The following GAREM1 variants were observed in gnomAD, a reference collection of about 807,000 sequenced individuals.
GAREM1 encodes GRB2 associated regulator of MAPK1 subtype 1.
Under a neutral mutation model 71.3 loss-of-function variants are expected in GAREM1, and 26 were observed. That is an observed-to-expected ratio of 0.36 (90% CI 0.27 to 0.51). The LOEUF is 0.51. GAREM1 is among the 20% of genes least tolerant of loss of function. GAREM1 has a pLI of 0.95. For synonymous variants in GAREM1, 440 were observed against 433.2 expected (o/e 1.02, Z -0.20); for missense variants, 1,026 against 1,103.1 (o/e 0.93, Z 0.99).
chr18:32,412,460 G>A (rs1210664615), intron 1 of GAREM1: 6 of 1,590,096 alleles, frequency 3.8e-6, no homozygotes, highest in Non-Finnish European at 5.1e-6. Context: ...CATCCCCACT[G>A]CCACCATATC....
chr18:32,414,320 G>A (rs1216237087), intron 1 of GAREM1, among the ~76,000 whole-genome samples: 1 of 152,034 alleles, frequency 6.6e-6, no homozygotes, highest in Non-Finnish European at 1.5e-5. Context: ...CAGACAGACA[G>A]ATAGATGAGT....
rs983213111 is a variant in GAREM1, at chr18:32,267,068, G to A, written c.*803C>T. 4.6e-5 allele frequency: 7 copies of A among 152,202 alleles called. No homozygotes were observed. The highest frequency in any genetic ancestry group is 1.7e-4 in the African/African-American group (7 of 41,436). 9.4% of individuals were successfully genotyped at this position (152,202 alleles called of 1,614,324 possible). A position where few individuals can be genotyped will look rare whatever the true frequency, so the allele number is the denominator to read the frequency against. ...GTCCACTATTCCTAAGAGAATCAAT[G>A]TAGATAACAGTCCCAAAACCTCAAC... On this transcript the variant is annotated 3_prime_UTR_variant, in exon 6 of 6. Transcript: ENST00000269209.
intron 2 of GAREM1, among the ~76,000 whole-genome samples, chr18:32,349,526 G>A (rs148093749): frequency 4.7e-4 from 72 of 152,134 alleles, no homozygotes; most frequent in African/African-American, 1.6e-3. Flanking sequence ...CCTACACAGA[G>A]GTATTACTTC....
chr18:32,457,515 A>G (rs1366303507), intron 1 of GAREM1, among the ~76,000 whole-genome samples: 1 of 151,928 alleles, frequency 6.6e-6, no homozygotes, highest in African/African-American at 2.4e-5. Flanking sequence ...TCAGGTAAGT[A>G]TCTTCCCAAT....
At chr18:32,391,934 A>C (rs182667068) in intron 2 of GAREM1, among the ~76,000 whole-genome samples, 2 of 152,290 alleles carry the variant, frequency 1.3e-5, no homozygotes, top group Non-Finnish European at 2.9e-5. Context: ...CAAACTATTC[A>C]TTCATTCATT....
intron 2 of GAREM1, among the ~76,000 whole-genome samples, chr18:32,365,924 G>A (rs775982483): frequency 5.5e-4 from 84 of 152,274 alleles, no homozygotes; most frequent in Admixed American, 1.1e-3. Context: ...AGAAGTGCAG[G>A]TGCATTTCCA....
intron 1 of GAREM1, among the ~76,000 whole-genome samples, chr18:32,448,893 T>C (rs758167656): frequency 7.9e-5 from 12 of 152,146 alleles, no homozygotes; most frequent in Non-Finnish European, 1.8e-4. Flanking sequence ...AGGGCCCTCA[T>C]GGTTCTTTTT....
intron 2 of GAREM1, among the ~76,000 whole-genome samples, chr18:32,349,637 T>C (rs1430128973): frequency 1.3e-5 from 2 of 152,246 alleles, no homozygotes; most frequent in African/African-American, 4.8e-5. Flanking sequence ...AAATACTTGC[T>C]AAATGAGAGA....
At chr18:32,377,836 T>C (rs1357908167) in intron 2 of GAREM1, among the ~76,000 whole-genome samples, 1 of 152,206 alleles carries the variant, frequency 6.6e-6, no homozygotes, top group African/African-American at 2.4e-5. Context: ...ATGCTGGGAT[T>C]ACAGGCGTGA....
At chr18:32,426,992 G>A (rs976407564) in intron 1 of GAREM1, among the ~76,000 whole-genome samples, 3 of 152,044 alleles carry the variant, frequency 2.0e-5, no homozygotes, top group Non-Finnish European at 4.4e-5. Context: ...AAATTGCATA[G>A]GAGCCCTTTC....
intron 1 of GAREM1, among the ~76,000 whole-genome samples, chr18:32,449,829 C>T (rs2048818027): frequency 6.6e-6 from 1 of 152,072 alleles, no homozygotes; most frequent in Admixed American, 6.5e-5. Flanking sequence ...TTTGTTTTTT[C>T]ATTTTCCTGT....
chr18:32,332,543 G>GT (rs2047548140), intron 2 of GAREM1, among the ~76,000 whole-genome samples: 1 of 152,144 alleles, frequency 6.6e-6, no homozygotes, highest in Non-Finnish European at 1.5e-5. Context: ...CTGAGGAACT[G>GT]TAAGTGCAGC....
intron 1 of GAREM1, among the ~76,000 whole-genome samples, chr18:32,428,236 T>C (rs182967320): frequency 3.3e-5 from 5 of 152,226 alleles, no homozygotes; most frequent in African/African-American, 1.2e-4. Context: ...TTAATTCTTA[T>C]AAGCTAGAAA....
chr18:32,413,732 ACAGCTAT>A (rs1313928541), intron 1 of GAREM1, among the ~76,000 whole-genome samples: 4 of 152,138 alleles, frequency 2.6e-5, no homozygotes, highest in Non-Finnish European at 5.9e-5. Context: ...GGAAAACAAA[ACAGCTAT>A]CATTTCTTTT....
intron 1 of GAREM1, among the ~76,000 whole-genome samples, chr18:32,408,395 G>A (rs1205728560): frequency 2.6e-5 from 4 of 152,146 alleles, no homozygotes; most frequent in Non-Finnish European, 4.4e-5. Context: ...ACTAAGTCAG[G>A]AGCATAAGTC....
chr18:32,407,203 A>G (rs2048373592), intron 1 of GAREM1, among the ~76,000 whole-genome samples: 1 of 152,218 alleles, frequency 6.6e-6, no homozygotes, highest in Non-Finnish European at 1.5e-5. Context: ...GGCTCTGGAA[A>G]AACAACCACA....
rs138848562 is a variant in GAREM1 at position 32,389,975 on chromosome 18, C to T, written c.262+2920G>A. 5.5e-3 allele frequency among the ~76,000 whole-genome samples: 836 copies of T among 152,162 alleles called. 5 individuals are homozygous for T. Among genetic ancestry groups the T allele is most frequent in the Non-Finnish European group, 8.0e-3 (544 of 67,988 alleles). ...ATTGCTTGAGACCTGGAGTTTGAGA[C>T]CAGCAACAAAGCGAGAACTGGTATC... On this transcript the variant is annotated intron_variant, in intron 2 of 5. Coordinates refer to ENST00000269209, the MANE Select transcript of GAREM1 (RefSeq NM_001242409.2).
intron 2 of GAREM1, among the ~76,000 whole-genome samples, chr18:32,352,312 G>C (rs923451086): frequency 1.3e-5 from 2 of 152,232 alleles, no homozygotes; most frequent in African/African-American, 4.8e-5. Context: ...GAGTAACTCA[G>C]AACACTGGGG....
intron 1 of GAREM1, among the ~76,000 whole-genome samples, chr18:32,408,185 T>C (rs763425387): frequency 2.6e-5 from 4 of 152,140 alleles, no homozygotes; most frequent in Non-Finnish European, 4.4e-5. Flanking sequence ...TTTCTGATTG[T>C]AGAGGCTGTA....
Sources: allele counts gnomAD v4.1 joint callset (sites outside exome capture counted in the v4.1 genomes callset), GRCh38; gene constraint gnomAD v4.1.1; transcripts MANE v1.5; gene names NCBI Gene and HGNC (gene_info 2026-07-23, HGNC 2026-07-21).